Variants in TMEM120B observed in about 807,000 individuals in gnomAD.
TMEM120B encodes the protein transmembrane protein 120B.
A neutral mutation model predicts 55.5 loss-of-function variants in TMEM120B; 31 were observed. The ratio of observed to expected loss-of-function variants is 0.56; its 90% CI spans 0.42 to 0.75. The LOEUF (loss-of-function observed/expected upper bound fraction) is 0.75. Among genes scored for constraint, TMEM120B ranks in the 30% least tolerant of loss-of-function variants. TMEM120B has a pLI of 0.00. For missense variants in TMEM120B, 399 were observed against 425.5 expected, an observed-to-expected ratio of 0.94 and a Z score of 0.55; for synonymous variants, 203 against 176.3, an observed-to-expected ratio of 1.15 and a Z score of -1.20.
rs769565227 is a variant in TMEM120B at position 121,724,945 on chromosome 12, A to G, written c.69+11981A>G. Reference sequence around the variant, plus strand: ...AAGTTTTATAAAGAGAAACAGTTCTATAGGCTCCATGTCAGTCATTTACGT... The same window carrying G: ...AAGTTTTATAAAGAGAAACAGTTCTGTAGGCTCCATGTCAGTCATTTACGT... On this transcript the variant is annotated intron_variant, in intron 1 of 11. Transcript: ENST00000449592. 2.0e-5 allele frequency among the ~76,000 whole-genome samples: 3 copies of G among 152,158 alleles called. No homozygotes were observed. The South Asian group carries it at 6.2e-4, about 32-fold the overall frequency.
At position 121,774,558 on chromosome 12, in the gene TMEM120B, CATCTT is replaced by C. The variant is rs144284192; in HGVS notation, c.773-98_773-94del. On this transcript the variant is annotated intron_variant, in intron 9 of 11. Transcript: ENST00000449592. ...CCCGCATGTGTGACTGTCCCTGGCTCATCTTAGGGTGACTGGTGTGGCTGGGGGTG... is the reference window on the plus strand; with the variant it reads ...CCCGCATGTGTGACTGTCCCTGGCTCAGGGTGACTGGTGTGGCTGGGGGTG... 8.1e-4 allele frequency: 951 copies of C among 1,173,648 alleles called. 6 individuals carry two copies. In the African/African-American group the frequency reaches 0.013, roughly 16 times the overall value. 72.7% of individuals were successfully genotyped at this position (1,173,648 alleles called of 1,614,324 possible). A position where few individuals can be genotyped will look rare whatever the true frequency, so the allele number is the denominator to read the frequency against.
At chr12:121,750,866 CA>C (rs2137195184) in intron 4 of TMEM120B, among the ~76,000 whole-genome samples, 1 of 126,022 alleles carries the variant, frequency 7.9e-6, no homozygotes, top group Admixed American at 7.8e-5. Context: ...CCACACCCCA[CA>C]CCCACACCAC....
At chr12:121,762,401 T>C (rs1465123806) in intron 6 of TMEM120B, among the ~76,000 whole-genome samples, 2 of 152,134 alleles carry the variant, frequency 1.3e-5, no homozygotes, top group African/African-American at 4.8e-5. Flanking sequence ...ACCCAGCAAC[T>C]CCAGGCTCAT....
Position 121,712,873 on chromosome 12 carries a change from C to A in TMEM120B, c.-23C>A, listed in dbSNP as rs752508537. The stretch of plus-strand genomic sequence containing the variant: ...AGCGCTGCGGGAGCAGCCGCCGGCA[C>A]CGCCGCCTTGCACCATCGCATCATG... On this transcript the variant is annotated 5_prime_UTR_variant, in exon 1 of 12. Transcript: ENST00000449592. The A allele has an allele frequency of 3.4e-6, 5 of 1,472,828 alleles. No homozygotes were observed. Among genetic ancestry groups the A allele is most frequent in the South Asian group, 1.4e-5 (1 of 71,162 alleles). The allele number at this position is 1,472,828 out of a possible 1,614,324, so 91.2% of individuals were successfully genotyped here. A position where few individuals can be genotyped will look rare whatever the true frequency, so the allele number is the denominator to read the frequency against.
chr12:121,721,804 C>CCTTTTTT lies in TMEM120B; in HGVS notation c.69+8840_69+8841insCTTTTTT, dbSNP rs766390956. On this transcript the variant is annotated intron_variant, in intron 1 of 11. Coordinates refer to ENST00000449592, the MANE Select transcript of TMEM120B (RefSeq NM_001080825.2). Reference sequence around the variant, plus strand: ...TTTTTTTTGAATGGAATCAGTTCTACTTTTTTTTTTTTTTTTTTTTTTGAG... The same window carrying CCTTTTTT: ...TTTTTTTTGAATGGAATCAGTTCTACCTTTTTTTTTTTTTTTTTTTTTTTTTTTTGAG... Among the ~76,000 whole-genome samples the CCTTTTTT allele has an allele frequency of 2.3e-4, 21 of 91,852 alleles. 1 individual carries two copies. The East Asian group carries it at 5.4e-3, about 24-fold the overall frequency. 60.3% of individuals were successfully genotyped at this position (91,852 alleles called of 152,430 possible). A position where few individuals can be genotyped will look rare whatever the true frequency, so the allele number is the denominator to read the frequency against.
chr12:121,720,222 G>A (rs992455214), intron 1 of TMEM120B, among the ~76,000 whole-genome samples: 3 of 152,044 alleles, frequency 2.0e-5, no homozygotes, highest in Non-Finnish European at 2.9e-5. Flanking sequence ...TGCCTCCCAC[G>A]CACAGACCCC....
chr12:121,728,531 G>A (rs1894940348), intron 1 of TMEM120B, among the ~76,000 whole-genome samples: 1 of 151,482 alleles, frequency 6.6e-6, no homozygotes, highest in South Asian at 2.1e-4. Flanking sequence ...TGTTGGCCAG[G>A]CTTGTGTCAA....
chr12:121,712,788 G>T lies in TMEM120B; in HGVS notation c.-108G>T. 1 of 724,918 alleles carries T rather than the reference G, an allele frequency of 1.4e-6. No homozygotes were observed. Among genetic ancestry groups the T allele is most frequent in the Non-Finnish European group, 1.9e-6 (1 of 522,444 alleles). 44.9% of individuals were successfully genotyped at this position (724,918 alleles called of 1,614,324 possible). On this transcript the variant is annotated 5_prime_UTR_variant, in exon 1 of 12. Coordinates refer to ENST00000449592, the MANE Select transcript of TMEM120B (RefSeq NM_001080825.2). ...TGGCTCTGGCTGCGCAGGAACAGCT[G>T]GTGCCTCCGAGGGCGGTCGGCGAGC... is the stretch of plus-strand genomic sequence containing the variant.
intron 1 of TMEM120B, among the ~76,000 whole-genome samples, chr12:121,731,767 G>C (rs1397101037): frequency 6.6e-6 from 1 of 152,226 alleles, no homozygotes; most frequent in African/African-American, 2.4e-5. Context: ...CAATTAAAAT[G>C]ATTAAGAGGA....
chr12:121,748,255 G>T (rs1178460159), intron 2 of TMEM120B, 71 bp from the exon 3 acceptor site: 12 of 1,206,802 alleles, frequency 9.9e-6, no homozygotes, highest in Non-Finnish European at 2.4e-6. Flanking sequence ...GGAGGCTGGG[G>T]CCCGGGGAGT....
chr12:121,743,135 CTG>C (rs1872981615), intron 1 of TMEM120B, among the ~76,000 whole-genome samples: 1 of 152,050 alleles, frequency 6.6e-6, no homozygotes, highest in African/African-American at 2.4e-5. Flanking sequence ...ATTGGAGTGA[CTG>C]TGTCTGGAGT....
At chr12:121,773,541 G>A (rs751106504) in intron 9 of TMEM120B, 28 bp downstream of exon 9, 15 of 1,550,418 alleles carry the variant, frequency 9.7e-6, no homozygotes, top group African/African-American at 1.4e-5. Flanking sequence ...GGTTGGAGCC[G>A]GGGCAGGTAC....
chr12:121,771,012 A>T (rs1158503229), intron 7 of TMEM120B, 40 bp downstream of exon 7: 18 of 1,603,790 alleles, frequency 1.1e-5, no homozygotes, highest in Non-Finnish European at 1.5e-5. Flanking sequence ...CCTCCCAGGG[A>T]GTAGAGCCTG....
At position 121,712,786 on chromosome 12, in the gene TMEM120B, C is replaced by A. The variant is rs1894623049; in HGVS notation, c.-110C>A. ...CGTGGCTCTGGCTGCGCAGGAACAG[C>A]TGGTGCCTCCGAGGGCGGTCGGCGA... is the stretch of plus-strand genomic sequence containing the variant. On this transcript the variant is annotated 5_prime_UTR_variant, in exon 1 of 12. It adds an upstream start codon to the 5' untranslated region. Transcript: ENST00000449592. The A allele has an allele frequency of 1.4e-6, 1 of 707,014 alleles. No individual in the cohort carries two copies. The highest frequency in any genetic ancestry group is 2.0e-6 in the Non-Finnish European group (1 of 506,822). 43.8% of individuals were successfully genotyped at this position (707,014 alleles called of 1,614,324 possible). A position where few individuals can be genotyped will look rare whatever the true frequency, so the allele number is the denominator to read the frequency against.
intron 5 of TMEM120B, among the ~76,000 whole-genome samples, chr12:121,757,023 G>A (rs1310652882): frequency 2.0e-5 from 3 of 151,988 alleles, no homozygotes; most frequent in Admixed American, 6.6e-5. Context: ...TCATGACTTC[G>A]GCAGCACCAG....
rs1252511581 is a variant in TMEM120B at position 121,773,469 on chromosome 12, G to A, written c.728G>A (p.Arg243Gln). 1.9e-6 allele frequency: 3 copies of A among 1,608,978 alleles called. No individual in the cohort carries two copies. The highest frequency in any genetic ancestry group is 2.5e-6 in the Non-Finnish European group (3 of 1,177,348). ...TATTACCAGAGGGGCTGCCTCTACC[G>A]GCTGCGGGCCCTGGGGGAGAGGAAC... ...QYYYQRGCLY[R>Q]LRALGERNHL... is the part of the protein sequence containing the mutation. Residue 243 changes from arginine to glutamine, a missense_variant, in exon 9 of 12, where the codon CGG becomes CAG. By Grantham distance (43) the Arg-to-Gln change is conservative (BLOSUM62 1). Around this residue, in one of 3 missense-constraint regions of TMEM120B, gnomAD observed 260 missense variants for 303.9 expected, o/e 0.86. Coordinates refer to ENST00000449592, the MANE Select transcript of TMEM120B (RefSeq NM_001080825.2).
chr12:121,719,016 C>T (rs573908504), intron 1 of TMEM120B, among the ~76,000 whole-genome samples: 79 of 152,268 alleles, frequency 5.2e-4, no homozygotes, highest in Non-Finnish European at 9.0e-4. Context: ...AGAAACAGAG[C>T]ATCCTTTCCC....
chr12:121,747,309 GCA>G (rs63686463), intron 2 of TMEM120B, among the ~76,000 whole-genome samples: 2,800 of 8,238 alleles, frequency 0.34, 1,190 homozygotes, highest in East Asian at 0.75. Flanking sequence ...AAGGCGGGAG[GCA>G]CTGGGGTAGA....
intron 4 of TMEM120B, 49 bp from the exon 5 acceptor site, chr12:121,752,079 G>A: frequency 1.3e-6 from 2 of 1,523,050 alleles, no homozygotes; most frequent in Non-Finnish European, 1.8e-6. Context: ...CCCAGGTGCT[G>A]GAATAGTCAT....
Sources: allele counts gnomAD v4.1 joint callset (sites outside exome capture counted in the v4.1 genomes callset), GRCh38; gene constraint gnomAD v4.1.1; regional missense constraint gnomAD v4.1.1; transcripts MANE v1.5; gene names NCBI Gene and HGNC (gene_info 2026-07-23, HGNC 2026-07-21).